Variants in GCM1 observed in about 807,000 individuals in gnomAD.
The protein encoded by GCM1 is GCM transcription factor 1, also known as chorion-specific transcription factor GCMa.
In GCM1, 2 loss-of-function variants were observed where a neutral mutation model predicts 25.7. The observed-to-expected ratio is 0.08, with a 90% CI of 0.03 to 0.24. GCM1 has a LOEUF of 0.24. Among genes scored for constraint, GCM1 ranks in the 10% least tolerant of loss-of-function variants. The pLI is 1.00. For synonymous variants in GCM1, 183 were observed against 195.7 expected (o/e 0.94, Z 0.54); for missense variants, 395 against 538.7 (o/e 0.73, Z 2.64).
At position 53,127,188 on chromosome 6, in the gene GCM1, G is replaced by A. The variant is rs1763652403; in HGVS notation, c.*1018C>T. 1 of 152,172 alleles carries A rather than the reference G, an allele frequency of 6.6e-6. No individual in the cohort carries two copies. Among genetic ancestry groups the A allele is most frequent in the South Asian group, 2.1e-4 (1 of 4,830 alleles). The allele number at this position is 152,172 out of a possible 1,614,324, so 9.4% of individuals were successfully genotyped here. On this transcript the variant is annotated 3_prime_UTR_variant, in exon 6 of 6. Coordinates refer to ENST00000259803, the MANE Select transcript of GCM1 (RefSeq NM_003643.4). ...AAATAATAAATGGGATAAAACAGAA[G>A]CCCCTGTGCAAGGGGAAGTCAGTGA...
intron 2 of GCM1, among the ~76,000 whole-genome samples, chr6:53,142,394 G>A (rs940331982): frequency 5.3e-5 from 8 of 152,160 alleles, no homozygotes; most frequent in African/African-American, 1.9e-4. Flanking sequence ...AGCCTCCTTC[G>A]GAGAGCCACC....
chr6:53,132,272 C>T (rs1038323540), intron 3 of GCM1, among the ~76,000 whole-genome samples, 153 bp from the exon 4 acceptor site: 1 of 152,218 alleles, frequency 6.6e-6, no homozygotes, highest in African/African-American at 2.4e-5. Flanking sequence ...GATATTACCC[C>T]TGACCCTCAG....
chr6:53,128,789 C>T lies in GCM1; in HGVS notation c.728G>A (p.Gly243Asp), dbSNP rs1364577366. 1.2e-6 allele frequency: 2 copies of T among 1,612,636 alleles called. No individual in the cohort carries two copies. Among genetic ancestry groups the T allele is most frequent in the South Asian group, 1.1e-5 (1 of 91,050 alleles). ...NDCFSFSKSYGLGGITDLTDQ... is the reference protein window; with the variant it reads ...NDCFSFSKSYDLGGITDLTDQ... ...AGTCAGATCTGTGATTCCTCCCAGA[C>T]CATAACTCTTGGAGAAGGAAAAGCA... The change falls in exon 6 of 6, where the codon GGT (glycine) becomes GAT (aspartate). Residue 243 changes from glycine to aspartate, a missense_variant. This residue lies in a region of GCM1 where 291 missense variants were observed against 314.6 expected (regional missense o/e 0.92). Transcript: ENST00000259803.
intron 4 of GCM1, among the ~76,000 whole-genome samples, chr6:53,131,403 A>T (rs1763726419): frequency 6.6e-6 from 1 of 152,182 alleles, no homozygotes. Context: ...AACATTCAGG[A>T]ATTTTGTAGG....
chr6:53,134,037 C>A, intron 3 of GCM1, 35 bp downstream of exon 3: 1 of 1,601,444 alleles, frequency 6.2e-7, no homozygotes, highest in East Asian at 2.2e-5. Flanking sequence ...TGAGGGATGC[C>A]AGCTTTTTTG....
At chr6:53,138,297 A>T (rs1763827906) in intron 2 of GCM1, among the ~76,000 whole-genome samples, 1 of 151,738 alleles carries the variant, frequency 6.6e-6, no homozygotes, top group African/African-American at 2.4e-5. Context: ...AAAAAAAAAA[A>T]AAGCAGTAAT....
chr6:53,135,733 C>T (rs1763788572), intron 2 of GCM1, among the ~76,000 whole-genome samples: 1 of 152,158 alleles, frequency 6.6e-6, no homozygotes, highest in Non-Finnish European at 1.5e-5. Flanking sequence ...TCTAGAAGGT[C>T]CAGAAGAAAA....
intron 2 of GCM1, among the ~76,000 whole-genome samples, chr6:53,137,266 A>G (rs548941545): frequency 1.8e-4 from 28 of 152,114 alleles, no homozygotes; most frequent in Non-Finnish European, 3.2e-4. Context: ...CTCCTCCCCA[A>G]TTCTCTGGTA....
intron 2 of GCM1, among the ~76,000 whole-genome samples, chr6:53,143,101 C>T (rs1384935240): frequency 6.6e-6 from 1 of 152,132 alleles, no homozygotes; most frequent in African/African-American, 2.4e-5. Flanking sequence ...ATGGTATTCT[C>T]TCTACTCAGA....
At chr6:53,147,120 G>T (rs1268537496) in intron 1 of GCM1, among the ~76,000 whole-genome samples, 1 of 152,052 alleles carries the variant, frequency 6.6e-6, no homozygotes, top group Admixed American at 6.6e-5. Context: ...TCCCTCACGA[G>T]AAATAGTGCT....
In GCM1 at chr6:53,128,028, CAAA is replaced by C. The variant is rs1223691364; in HGVS notation, c.*175_*177del. On this transcript the variant is annotated 3_prime_UTR_variant, in exon 6 of 6. Coordinates refer to ENST00000259803, the MANE Select transcript of GCM1 (RefSeq NM_003643.4). Reference sequence around the variant, plus strand: ...TGGGCAAAAGAGCAAGACTCTGTCTCAAAAAAAAAAAAAAAAAAAAAAAAAGAA... The same window carrying C: ...TGGGCAAAAGAGCAAGACTCTGTCTCAAAAAAAAAAAAAAAAAAAAAAGAA... The C allele has an allele frequency of 0.03, 1,981 of 65,960 alleles. 1 individual carries two copies. The highest frequency in any genetic ancestry group is 0.065 in the African/African-American group (616 of 9,490). The allele number at this position is 65,960 out of a possible 1,614,324, so 4.1% of individuals were successfully genotyped here.
At chr6:53,148,042 T>C (rs567052480) in intron 1 of GCM1, among the ~76,000 whole-genome samples, 1 of 152,358 alleles carries the variant, frequency 6.6e-6, no homozygotes, top group South Asian at 2.1e-4. Flanking sequence ...GAAGTTTCTG[T>C]TCCCCAACTG....
intron 5 of GCM1, 100 bp downstream of exon 5, chr6:53,130,703 C>T (rs1763711024): frequency 2.2e-6 from 2 of 916,678 alleles, no homozygotes; most frequent in East Asian, 5.0e-5. Flanking sequence ...TCCATGATTT[C>T]TGGCTTTCCT....
rs527326386 is a variant in GCM1, at chr6:53,132,156, G to A, written c.329-37C>T. 3.1e-6 allele frequency: 4 copies of A among 1,295,122 alleles called. No individual in the cohort carries two copies. The East Asian group carries it at 9.2e-5, about 30-fold the overall frequency. 80.2% of individuals were successfully genotyped at this position (1,295,122 alleles called of 1,614,324 possible). ...CAGAGGAAAATGACCACACCTGGCT[G>A]AACCATGTCGGTTGTTGACTCCTGT... On this transcript the variant is annotated intron_variant, in intron 3 of 5. Transcript: ENST00000259803.
rs771229774 is a variant in GCM1, at chr6:53,130,848, T to C, written c.525A>G (p.Ala175=). The change falls in exon 5 of 6, where the codon GCA becomes GCG. Residue 175 remains alanine, a synonymous_variant. Coordinates refer to ENST00000259803, the MANE Select transcript of GCM1 (RefSeq NM_003643.4). ...ARRAMKKVNT[A]PSSVSLSLKG... ...TCAGGCTCAATGAGACGGAGGAAGG[T>C]GCTGTGTTCACTTTCTTCATGGCTC... 1 of 1,613,812 alleles carries C rather than the reference T, an allele frequency of 6.2e-7. No homozygotes were observed. The highest frequency in any genetic ancestry group is 8.5e-7 in the Non-Finnish European group (1 of 1,179,804).
chr6:53,130,565 A>C (rs757324377), intron 5 of GCM1, among the ~76,000 whole-genome samples: 5 of 152,254 alleles, frequency 3.3e-5, no homozygotes, highest in Non-Finnish European at 7.3e-5. Flanking sequence ...TAATTGTAGT[A>C]GGGAAGATGA....
intron 2 of GCM1, among the ~76,000 whole-genome samples, chr6:53,140,662 G>C (rs920070750): frequency 6.6e-6 from 1 of 152,102 alleles, no homozygotes; most frequent in Non-Finnish European, 1.5e-5. Context: ...TTTGCTGGCT[G>C]TGGTGCTATT....
At chr6:53,134,538 G>A (rs994636346) in intron 2 of GCM1, among the ~76,000 whole-genome samples, 13 of 152,184 alleles carry the variant, frequency 8.5e-5, no homozygotes, top group Non-Finnish European at 1.5e-4. Flanking sequence ...GCATTCAGCC[G>A]CTGGACCAAA....
intron 2 of GCM1, among the ~76,000 whole-genome samples, chr6:53,136,367 A>T (rs971426337): frequency 6.6e-6 from 1 of 152,326 alleles, no homozygotes; most frequent in South Asian, 2.1e-4. Context: ...CTGGAGGTAC[A>T]CTGTCTTTCT....
Sources: allele counts gnomAD v4.1 joint callset (sites outside exome capture counted in the v4.1 genomes callset), GRCh38; gene constraint gnomAD v4.1.1; regional missense constraint gnomAD v4.1.1; transcripts MANE v1.5; gene names NCBI Gene and HGNC (gene_info 2026-07-23, HGNC 2026-07-21).